Variants in HEATR6 observed in about 807,000 individuals in gnomAD.
The protein encoded by HEATR6 is HEAT repeat containing 6.
In HEATR6, 106 loss-of-function variants were observed where a neutral mutation model predicts 132.8. The ratio of observed to expected loss-of-function variants is 0.80; its 90% CI spans 0.68 to 0.94. The LOEUF is 0.94. Ranked by LOEUF, HEATR6 falls within the 40% of genes least tolerant of loss-of-function variation. The pLI is 0.00. For synonymous variants in HEATR6, 529 were observed against 537.8 expected, an observed-to-expected ratio of 0.98 and a Z score of 0.23; for missense variants, 1,339 against 1,425.1, an observed-to-expected ratio of 0.94 and a Z score of 0.97.
At chr17:60,053,316 C>T (rs570624033) in intron 14 of HEATR6, among the ~76,000 whole-genome samples, 3 of 152,286 alleles carry the variant, frequency 2.0e-5, no homozygotes, top group African/African-American at 7.2e-5. Flanking sequence ...CCATGCTTCT[C>T]GTATAGCCTG....
At position 60,068,904 on chromosome 17, in the gene HEATR6, C is replaced by T. The variant is rs114136976; in HGVS notation, c.939+807G>A. On this transcript the variant is annotated intron_variant, in intron 7 of 19. Coordinates refer to ENST00000184956, the MANE Select transcript of HEATR6 (RefSeq NM_022070.5). ...TATTGCATTGTAGTTGTTTATTTAT[C>T]CATCTTTGCCTTCTCCCTCAAACTC... Among the ~76,000 whole-genome samples, 693 of 152,252 alleles carry T rather than the reference C, an allele frequency of 4.6e-3. 6 individuals are homozygous for T. Among genetic ancestry groups the T allele is most frequent in the African/African-American group, 0.016 (666 of 41,548 alleles).
At position 60,049,709 on chromosome 17, in the gene HEATR6, T is replaced by C; in HGVS notation, c.2425-7A>G. 6.2e-7 allele frequency: 1 copy of C among 1,611,754 alleles called. No individual in the cohort carries two copies. Among genetic ancestry groups the C allele is most frequent in the Non-Finnish European group, 8.5e-7 (1 of 1,178,930 alleles). On this transcript the variant is annotated splice_polypyrimidine_tract_variant and splice_region_variant and intron_variant, in intron 15 of 19. Transcript: ENST00000184956. ...ACAGCATCTGCCTGTCATTCTGCAA[T>C]GAGAAGGTTGACAAGGGAAAAATGA...
intron 1 of HEATR6, among the ~76,000 whole-genome samples, chr17:60,076,932 T>C (rs1363428475): frequency 1.4e-5 from 2 of 146,218 alleles, no homozygotes; most frequent in African/African-American, 5.2e-5. Flanking sequence ...TTATGCATAA[T>C]TAGGGAATTC....
chr17:60,070,000 G>C, intron 6 of HEATR6, 152 bp from the exon 7 acceptor site: 2 of 934,988 alleles, frequency 2.1e-6, no homozygotes, highest in East Asian at 5.4e-5. Flanking sequence ...ATATAAATGA[G>C]ATAGAAAATA....
Position 60,056,249 on chromosome 17 carries a change from G to A in HEATR6, c.2080-12C>T. ...AGAAGAGTCAATACCTGCAAAGAGA[G>A]CATGGAATTAACCCTCTAAGACCTG... On this transcript the variant is annotated splice_polypyrimidine_tract_variant and intron_variant, in intron 12 of 19. Transcript: ENST00000184956. 1.2e-6 allele frequency: 2 copies of A among 1,611,736 alleles called. No individual in the cohort carries two copies. Among genetic ancestry groups the A allele is most frequent in the Non-Finnish European group, 1.7e-6 (2 of 1,179,038 alleles).
chr17:60,051,015 A>T, intron 14 of HEATR6, 38 bp from the exon 15 acceptor site: 1 of 1,607,630 alleles, frequency 6.2e-7, no homozygotes, highest in Non-Finnish European at 8.5e-7. Flanking sequence ...AGCCCAAGAC[A>T]TAACAGGGGA....
At chr17:60,059,137 C>T (rs1397870131) in intron 11 of HEATR6, among the ~76,000 whole-genome samples, 1 of 152,170 alleles carries the variant, frequency 6.6e-6, no homozygotes, top group African/African-American at 2.4e-5. Context: ...AGGGGGGCTG[C>T]TTGCACCTGG....
rs747855012 is a variant in HEATR6, at chr17:60,057,144, G to A, written c.1983C>T (p.Val661=). Residue 661 remains valine (V), a synonymous_variant, in exon 12 of 20, where the codon GTC becomes GTT. Coordinates refer to ENST00000184956, the MANE Select transcript of HEATR6 (RefSeq NM_022070.5). ...CWLIRLCISI[V]VLPKEDSCSG... is the part of the protein sequence containing the mutation. The stretch of plus-strand genomic sequence containing the variant: ...AACAGGAATCCTCCTTGGGCAGTAC[G>A]ACAATGGAAATGCAGAGTCGAATGA... The A allele has an allele frequency of 2.5e-6, 4 of 1,614,136 alleles. No homozygotes were observed. Among genetic ancestry groups the A allele is most frequent in the African/African-American group, 1.3e-5 (1 of 75,034 alleles).
In HEATR6 at chr17:60,067,883, C is replaced by T. The variant is rs1449879939; in HGVS notation, c.940-151G>A. 1.7e-5 allele frequency: 11 copies of T among 638,800 alleles called. No homozygotes were observed. The East Asian group carries it at 3.0e-4, about 17-fold the overall frequency. The allele number at this position is 638,800 out of a possible 1,614,324, so 39.6% of individuals were successfully genotyped here. On this transcript the variant is annotated intron_variant, in intron 7 of 19. Coordinates refer to ENST00000184956, the MANE Select transcript of HEATR6 (RefSeq NM_022070.5). ...AAGAGAAAAGAAAAAAGTGTAACTT[C>T]ATTAATACCCTAAACATCAGGCATG...
Position 60,041,270 on chromosome 17 carries a change from C to T in HEATR6, c.*2293G>A, listed in dbSNP as rs944429777. Among the ~76,000 whole-genome samples the T allele has an allele frequency of 6.6e-6, 1 of 152,130 alleles. No homozygotes were observed. The highest frequency in any genetic ancestry group is 1.9e-4 in the East Asian group (1 of 5,200). ...TAACATCCACATCAGGATCTGGAAACCTTTACAGAAGCTGAAGTTTTAAAA... is the reference window on the plus strand; with the variant it reads ...TAACATCCACATCAGGATCTGGAAATCTTTACAGAAGCTGAAGTTTTAAAA... On this transcript the variant is annotated 3_prime_UTR_variant, in exon 20 of 20. Coordinates refer to ENST00000184956, the MANE Select transcript of HEATR6 (RefSeq NM_022070.5).
At chr17:60,069,889 C>CA (rs1490068415) in intron 6 of HEATR6, 41 bp from the exon 7 acceptor site, 2 of 1,591,640 alleles carry the variant, frequency 1.3e-6, no homozygotes, top group Non-Finnish European at 1.7e-6. Flanking sequence ...CACACGAAAC[C>CA]AAAAAAACCA....
Position 60,043,970 on chromosome 17 carries a change from C to T in HEATR6, c.3139G>A (p.Val1047Ile). 2 of 1,614,082 alleles carry T rather than the reference C, an allele frequency of 1.2e-6. No individual in the cohort carries two copies. Among genetic ancestry groups the T allele is most frequent in the Non-Finnish European group, 1.7e-6 (2 of 1,180,034 alleles). The change falls in exon 20 of 20, where the codon GTC (valine) becomes ATC (isoleucine). Residue 1047 changes from valine to isoleucine, a missense_variant. Val to Ile is a conservative substitution (Grantham distance 29). Transcript: ENST00000184956. ...TCTTCACTCTTCTGTAAAGCGGTGA[C>T]CAATGCATTCCAGATCCGAGCATAC... ...DQYARIWNAL[V>I]TALQKSEDTI...
chr17:60,049,830 G>A (rs1906520691), intron 15 of HEATR6, 128 bp from the exon 16 acceptor site: 16 of 979,820 alleles, frequency 1.6e-5, no homozygotes, highest in Non-Finnish European at 2.4e-5. Context: ...GCGACCTTGA[G>A]GCTACCCTGG....
rs762198574 is a variant in HEATR6, at chr17:60,059,973, A to G, written c.1540T>C (p.Cys514Arg). Residue 514 changes from cysteine (C) to arginine (R), a missense_variant, in exon 10 of 20, where the codon TGC becomes CGC. Physicochemically the swap from Cys to Arg is radical, Grantham distance 180. Coordinates refer to ENST00000184956, the MANE Select transcript of HEATR6 (RefSeq NM_022070.5). Reference sequence around the variant, plus strand: ...CATCTGTGCAACTCTCTAATGCTGCAAGCGATCATTACGGAGAAGGGGGTA... The same window carrying G: ...CATCTGTGCAACTCTCTAATGCTGCGAGCGATCATTACGGAGAAGGGGGTA... Reference protein sequence around the residue: ...AFTPFSVMIACSIRELHRCLL... With the variant: ...AFTPFSVMIARSIRELHRCLL... The G allele has an allele frequency of 3.7e-6, 6 of 1,613,878 alleles. No homozygotes were observed. Among genetic ancestry groups the G allele is most frequent in the Admixed American group, 3.3e-5 (2 of 60,004 alleles).
Position 60,067,630 on chromosome 17 carries a change from T to C in HEATR6, c.1042A>G (p.Thr348Ala), listed in dbSNP as rs779321688. Residue 348 changes from threonine to alanine, a missense_variant, in exon 8 of 20, where the codon ACA (threonine) becomes GCA (alanine). Transcript: ENST00000184956. ...GEIEAAPVTG[T>A]GRVNLHEGNT... Reference sequence around the variant, plus strand: ...CCTTCATGCAGGTTCACTCTGCCTGTGCCAGTGACTGGGGCTGCCTCTATT... The same window carrying C: ...CCTTCATGCAGGTTCACTCTGCCTGCGCCAGTGACTGGGGCTGCCTCTATT... The C allele has an allele frequency of 9.9e-6, 16 of 1,612,826 alleles. No individual in the cohort carries two copies. The highest frequency in any genetic ancestry group is 1.4e-5 in the Non-Finnish European group (16 of 1,179,526).
chr17:60,067,669 C>T lies in HEATR6; in HGVS notation c.1003G>A (p.Glu335Lys). ...KIQQGEEEEK[E>K]SSGEIEAAPV... ...GCTGCCTCTATTTCACCACTGGATT[C>T]CTTTTCCTCCTCCTCTCCTTGCTGG... Residue 335 changes from glutamate to lysine, a missense_variant, in exon 8 of 20, where the codon GAA becomes AAA. Coordinates refer to ENST00000184956, the MANE Select transcript of HEATR6 (RefSeq NM_022070.5). 1 of 1,613,168 alleles carries T rather than the reference C, an allele frequency of 6.2e-7. No individual in the cohort carries two copies. Among genetic ancestry groups the T allele is most frequent in the Non-Finnish European group, 8.5e-7 (1 of 1,179,628 alleles).
chr17:60,042,430 GC>G lies in HEATR6; in HGVS notation c.*1132del, dbSNP rs1345517388. On this transcript the variant is annotated 3_prime_UTR_variant, in exon 20 of 20. Transcript: ENST00000184956. ...GCTGTGAGGCACTGTCAGCATCCTC[GC>G]GTCCTGTGCGGCTGTGAGGCACTGT... Among the ~76,000 whole-genome samples the G allele has an allele frequency of 3.0e-4, 29 of 96,932 alleles. No individual in the cohort carries two copies. The highest frequency in any genetic ancestry group is 1.6e-3 in the African/African-American group (26 of 16,764). The allele number at this position is 96,932 out of a possible 152,430, so 63.6% of individuals were successfully genotyped here. A position where few individuals can be genotyped will look rare whatever the true frequency, so the allele number is the denominator to read the frequency against.
At chr17:60,055,019 G>A (rs1906697948) in intron 14 of HEATR6, among the ~76,000 whole-genome samples, 1 of 152,136 alleles carries the variant, frequency 6.6e-6, no homozygotes, top group Non-Finnish European at 1.5e-5. Flanking sequence ...GCTTGGTGCT[G>A]TCCTTGTGGT....
rs72840344 is a variant in HEATR6 at position 60,057,081 on chromosome 17, G to A, written c.2046C>T (p.Tyr682=). The A allele has an allele frequency of 1.8e-3, 2,973 of 1,612,222 alleles. 5 individuals are homozygous for A. The highest frequency in any genetic ancestry group is 2.3e-3 in the Non-Finnish European group (2,673 of 1,178,836). The change falls in exon 12 of 20, where the codon TAC becomes TAT. Residue 682 remains tyrosine, a synonymous_variant. Coordinates refer to ENST00000184956, the MANE Select transcript of HEATR6 (RefSeq NM_022070.5). ...SDAGSAAGST[Y]EPSPMRLEAL... ...CCTCCAGTCGCATGGGGGATGGTTC[G>A]TAGGTGCTTCCTGCTGCAGAGCCAG...
Sources: gnomAD v4.1 joint callset for allele counts (sites outside exome capture counted in the v4.1 genomes callset) on GRCh38, gnomAD v4.1.1 for gene constraint, MANE v1.5 for transcripts, NCBI Gene and HGNC (gene_info 2026-07-23, HGNC 2026-07-21) for gene names.